RAPGEF1: variants seen among roughly 807,000 people sequenced by gnomAD.
RAPGEF1 encodes the protein Rap guanine nucleotide exchange factor 1.
Under a neutral mutation model 143.3 loss-of-function variants are expected in RAPGEF1, and 33 were observed. The observed-to-expected ratio is 0.23, with a 90% confidence interval of 0.17 to 0.31. The LOEUF is 0.31. Among genes scored for constraint, RAPGEF1 ranks in the 10% least tolerant of loss-of-function variants. RAPGEF1 has a pLI of 1.00. For missense variants in RAPGEF1, 1,199 were observed against 1,645.4 expected, an observed-to-expected ratio of 0.73 and a Z score of 4.69; for synonymous variants, 629 against 676.5, an observed-to-expected ratio of 0.93 and a Z score of 1.09.
intron 18 of RAPGEF1, among the ~76,000 whole-genome samples, chr9:131,591,766 A>G (rs10736852): frequency 0.83 from 126,503 of 152,234 alleles, 52,606 homozygotes; most frequent in Non-Finnish European, 0.84. Context: ...CGGCACACTT[A>G]CCCCTCCCAG....
rs990600224 is a variant in RAPGEF1 at position 131,609,458 on chromosome 9, C to T, written c.2062-4270G>A. On this transcript the variant is annotated intron_variant, in intron 12 of 26. Coordinates refer to ENST00000683357, the MANE Select transcript of RAPGEF1 (RefSeq NM_001377935.1). ...CTAACCATGCAATCCCACAGCTCTG[C>T]AGGGTACAGCCTCACCAAATCTGCA... is the stretch of plus-strand genomic sequence containing the variant. Among the ~76,000 whole-genome samples the T allele has an allele frequency of 6.6e-5, 10 of 152,160 alleles. 1 individual carries two copies. The highest frequency in any genetic ancestry group is 2.4e-4 in the African/African-American group (10 of 41,426).
intron 1 of RAPGEF1, among the ~76,000 whole-genome samples, chr9:131,687,450 C>T (rs915431185): frequency 6.6e-6 from 1 of 152,178 alleles, no homozygotes; most frequent in Non-Finnish European, 1.5e-5. Context: ...CTGCCTCAGC[C>T]TCCCACAGTA....
intron 24 of RAPGEF1, among the ~76,000 whole-genome samples, chr9:131,582,923 G>A (rs991943930): frequency 6.6e-6 from 1 of 152,220 alleles, no homozygotes; most frequent in Non-Finnish European, 1.5e-5. Flanking sequence ...CCTGGTCACA[G>A]GGGACTTCAG....
chr9:131,629,197 C>T lies in RAPGEF1; in HGVS notation c.798G>A (p.Gly266=), dbSNP rs1964167902. 6.2e-7 allele frequency: 1 copy of T among 1,613,892 alleles called. No individual in the cohort carries two copies. Reference sequence around the variant, plus strand: ...GGAGGAGCTCAGTTGACTGTGACATCCCAGTCGTCTTGTTTAGGATCTCTA... The same window carrying T: ...GGAGGAGCTCAGTTGACTGTGACATTCCAGTCGTCTTGTTTAGGATCTCTA... ...REVEILNKTT[G]MSQSTELLPD... The change falls in exon 7 of 27, where the codon GGG becomes GGA. Residue 266 remains glycine (G), a synonymous_variant. Transcript: ENST00000683357.
At chr9:131,659,508 C>CA (rs35965320) in intron 1 of RAPGEF1, among the ~76,000 whole-genome samples, 34,663 of 151,952 alleles carry the variant, frequency 0.23, 4,668 homozygotes, top group Non-Finnish European at 0.3. Context: ...TGTGAGCCAT[C>CA]ACGCCAGGCC....
rs775336031 is a variant in RAPGEF1, at chr9:131,630,227, A to G, written c.740+9T>C. 3.0e-5 allele frequency: 49 copies of G among 1,613,016 alleles called. 1 individual carries two copies. The African/African-American group carries it at 3.5e-4, about 11-fold the overall frequency. ...GACACCCGCGACACGAGGGTTAGTC[A>G]GCACCTACCCATCAGGCTTGCTGGC... On this transcript the variant is annotated intron_variant, in intron 6 of 26. Transcript: ENST00000683357.
intron 15 of RAPGEF1, 107 bp from the exon 16 acceptor site, chr9:131,598,417 A>G (rs562935010): frequency 2.3e-6 from 2 of 863,994 alleles, no homozygotes; most frequent in East Asian, 2.6e-5. Flanking sequence ...CTCCCGGAAC[A>G]TGCCTGCCCC....
rs140618671 is a variant in RAPGEF1, at chr9:131,646,981, C to T, written c.315+3148G>A. ...AGGCTTTCAGGAATCCACCCAAGAG[C>T]ACTCGGATCCAATCTCTGTCCAAAT... On this transcript the variant is annotated intron_variant, in intron 3 of 26. Transcript: ENST00000683357. Among the ~76,000 whole-genome samples the T allele has an allele frequency of 1.6e-4, 24 of 152,274 alleles. No homozygotes were observed. In the East Asian group the frequency reaches 4.4e-3, roughly 28 times the overall value.
chr9:131,582,115 T>C (rs1259362683), intron 25 of RAPGEF1, among the ~76,000 whole-genome samples: 1 of 152,204 alleles, frequency 6.6e-6, no homozygotes, highest in Admixed American at 6.5e-5. Flanking sequence ...CTCTCGCCCA[T>C]GGTCCACGCT....
rs749152518 is a variant in RAPGEF1, at chr9:131,650,980, T to A, written c.62-31A>T. ...AACAAAGAGGGTACTGACTGTTAGA[T>A]GGGAGTGGGAAGAAGCGATGGTTCA... On this transcript the variant is annotated intron_variant, in intron 1 of 26. Coordinates refer to ENST00000683357, the MANE Select transcript of RAPGEF1 (RefSeq NM_001377935.1). The surrounding 1 kb of genome is among the most constrained non-coding windows in gnomAD (Gnocchi z 4.7). The A allele has an allele frequency of 3.1e-6, 5 of 1,607,646 alleles. No individual in the cohort carries two copies. The East Asian group carries it at 1.1e-4, about 36-fold the overall frequency.
chr9:131,589,072 CGGGG>C (rs1953713031), intron 19 of RAPGEF1, 86 bp from the exon 20 acceptor site: 1 of 1,332,050 alleles, frequency 7.5e-7, no homozygotes, highest in Non-Finnish European at 1.0e-6. Flanking sequence ...ACAAAGGGCA[CGGGG>C]CTGTGACCGG....
chr9:131,714,447 C>T (rs992357091), intron 1 of RAPGEF1, among the ~76,000 whole-genome samples: 7 of 151,978 alleles, frequency 4.6e-5, no homozygotes, highest in African/African-American at 1.5e-4. Flanking sequence ...AGGCGGGTAC[C>T]CGGTAGCTCA....
At chr9:131,711,430 T>C (rs887089233) in intron 1 of RAPGEF1, among the ~76,000 whole-genome samples, 1 of 150,526 alleles carries the variant, frequency 6.6e-6, no homozygotes, top group African/African-American at 2.4e-5. Context: ...CAATCTCAGC[T>C]CACTGCAACC....
chr9:131,670,673 C>T (rs1377738185), intron 1 of RAPGEF1, among the ~76,000 whole-genome samples: 1 of 152,212 alleles, frequency 6.6e-6, no homozygotes, highest in East Asian at 1.9e-4. Flanking sequence ...TCGGGACAGT[C>T]TCCCGGCCTC....
intron 3 of RAPGEF1, among the ~76,000 whole-genome samples, chr9:131,649,889 C>T (rs1970653246): frequency 6.6e-6 from 1 of 152,190 alleles, no homozygotes; most frequent in Non-Finnish European, 1.5e-5. Context: ...CCCAAACCAA[C>T]CCCAGAAAGA....
intron 1 of RAPGEF1, among the ~76,000 whole-genome samples, chr9:131,728,857 A>C (rs1300090567): frequency 6.6e-6 from 1 of 152,238 alleles, no homozygotes; most frequent in Non-Finnish European, 1.5e-5. Flanking sequence ...ACTCTGATTA[A>C]ATGCTTATGT....
chr9:131,709,397 C>A (rs981871785), intron 1 of RAPGEF1, among the ~76,000 whole-genome samples: 8 of 152,170 alleles, frequency 5.3e-5, no homozygotes, highest in African/African-American at 1.9e-4. Flanking sequence ...TGAAACATCT[C>A]GAGCTGAACT....
chr9:131,638,807 G>T lies in RAPGEF1; in HGVS notation c.495-16C>A, dbSNP rs754491691. ...GAGGGCTGAGCTACAGGGAAGAGAA[G>T]AATGGAAAAAAAGAAAATCTAAAGC... On this transcript the variant is annotated splice_polypyrimidine_tract_variant and intron_variant, in intron 4 of 26. Coordinates refer to ENST00000683357, the MANE Select transcript of RAPGEF1 (RefSeq NM_001377935.1). 2.5e-6 allele frequency: 4 copies of T among 1,611,012 alleles called. No individual in the cohort carries two copies. The highest frequency in any genetic ancestry group is 3.4e-6 in the Non-Finnish European group (4 of 1,178,362).
At chr9:131,588,074 T>C in intron 20 of RAPGEF1, 48 bp from the exon 21 acceptor site, 14 of 1,501,490 alleles carry the variant, frequency 9.3e-6, no homozygotes, top group Non-Finnish European at 1.2e-5. Context: ...GGGAGGCCGG[T>C]GGGGAGGGCT....
Sources: allele counts gnomAD v4.1 joint callset (sites outside exome capture counted in the v4.1 genomes callset), GRCh38; gene constraint gnomAD v4.1.1; non-coding constraint Gnocchi (gnomAD v3.1); transcripts MANE v1.5; gene names NCBI Gene and HGNC (gene_info 2026-07-23, HGNC 2026-07-21).